Variants in AUTS2 observed in about 807,000 individuals in gnomAD.
The protein encoded by AUTS2 is autism susceptibility gene 2 protein.
In AUTS2, 17 loss-of-function variants were observed where a neutral mutation model predicts 112.4. The observed-to-expected ratio is 0.15, with a 90% CI of 0.10 to 0.23. The LOEUF is 0.23. Among genes scored for constraint, AUTS2 ranks in the 10% least tolerant of loss-of-function variants. The probability of loss-of-function intolerance (pLI) is 1.00; values close to 1 mark genes in which losing one functional copy is unlikely to be tolerated. For synonymous variants in AUTS2, 751 were observed against 702.7 expected (o/e 1.07, Z -1.09); for missense variants, 1,510 against 1,701.6 (o/e 0.89, Z 1.98).
intron 2 of AUTS2, among the ~76,000 whole-genome samples, chr7:69,963,586 G>A (rs1797518110): frequency 6.6e-6 from 1 of 152,160 alleles, no homozygotes; most frequent in South Asian, 2.1e-4. Flanking sequence ...AGGTTGTGAT[G>A]TAATTTAAAG....
chr7:69,661,306 A>G (rs1338685277), intron 1 of AUTS2, among the ~76,000 whole-genome samples: 3 of 152,246 alleles, frequency 2.0e-5, no homozygotes, highest in African/African-American at 7.2e-5. Flanking sequence ...CAAGTTGACA[A>G]TAAATGTTAG....
intron 1 of AUTS2, among the ~76,000 whole-genome samples, chr7:69,804,666 T>C (rs1450109469): frequency 6.6e-6 from 1 of 152,220 alleles, no homozygotes; most frequent in Non-Finnish European, 1.5e-5. Flanking sequence ...ACCCCACAGT[T>C]ACATGGATGG....
intron 4 of AUTS2, among the ~76,000 whole-genome samples, chr7:70,175,531 A>G (rs1321005008): frequency 1.3e-5 from 2 of 152,224 alleles, no homozygotes; most frequent in African/African-American, 4.8e-5. Context: ...GAAATCTTTC[A>G]TGAAAGGAAG....
intron 2 of AUTS2, among the ~76,000 whole-genome samples, chr7:69,939,617 T>C (rs1223119761): frequency 6.6e-6 from 1 of 152,206 alleles, no homozygotes; most frequent in African/African-American, 2.4e-5. Context: ...TTGATGAATA[T>C]TTGATGAGGT....
intron 4 of AUTS2, among the ~76,000 whole-genome samples, chr7:70,362,211 A>G (rs1360973232): frequency 2.6e-5 from 4 of 152,216 alleles, no homozygotes; most frequent in African/African-American, 7.2e-5. Context: ...AGGGCTGGTG[A>G]AATAGTTCAA....
intron 2 of AUTS2, among the ~76,000 whole-genome samples, chr7:70,084,870 T>A (rs1405680044): frequency 6.6e-6 from 1 of 152,140 alleles, no homozygotes; most frequent in African/African-American, 2.4e-5. Context: ...AGGTTGTTTT[T>A]TAATTTTTAT....
intron 1 of AUTS2, among the ~76,000 whole-genome samples, chr7:69,730,394 C>T (rs181693587): frequency 6.0e-4 from 91 of 152,184 alleles, no homozygotes; most frequent in African/African-American, 2.0e-3. Flanking sequence ...TCCCCACCTG[C>T]CCCCCAATAT....
chr7:70,641,711 A>G (rs1210252086), intron 5 of AUTS2, among the ~76,000 whole-genome samples: 4 of 152,142 alleles, frequency 2.6e-5, no homozygotes, highest in Admixed American at 1.3e-4. Context: ...CTGCTCCCCA[A>G]TTCTCAGACA....
intron 1 of AUTS2, among the ~76,000 whole-genome samples, chr7:69,614,543 G>A (rs543258969): frequency 3.8e-4 from 57 of 151,816 alleles, no homozygotes; most frequent in Middle Eastern, 6.8e-3. Context: ...TAGAGACAGG[G>A]TCTTGCTGTG....
intron 4 of AUTS2, among the ~76,000 whole-genome samples, chr7:70,154,465 C>T (rs1009243845): frequency 7.2e-5 from 11 of 151,998 alleles, no homozygotes; most frequent in African/African-American, 2.7e-4. Flanking sequence ...AAGATGGTAA[C>T]AATTGAAACT....
At chr7:70,667,032 C>T (rs1027271505) in intron 5 of AUTS2, among the ~76,000 whole-genome samples, 12 of 151,662 alleles carry the variant, frequency 7.9e-5, no homozygotes, top group Admixed American at 2.6e-4. Flanking sequence ...CCACAACACA[C>T]CTTGTACTAA....
intron 6 of AUTS2, among the ~76,000 whole-genome samples, chr7:70,720,043 G>A (rs975620794): frequency 2.0e-5 from 3 of 152,096 alleles, no homozygotes; most frequent in South Asian, 2.1e-4. Flanking sequence ...CTAGCCTGAC[G>A]TCTCATTCGT....
intron 2 of AUTS2, among the ~76,000 whole-genome samples, chr7:69,911,418 G>T (rs959610534): frequency 6.6e-6 from 1 of 152,218 alleles, no homozygotes; most frequent in African/African-American, 2.4e-5. Flanking sequence ...CTGCAACGTG[G>T]CGAGCAGGGG....
At chr7:69,906,702 C>A (rs1326669812) in intron 2 of AUTS2, among the ~76,000 whole-genome samples, 1 of 152,150 alleles carries the variant, frequency 6.6e-6, no homozygotes, top group Non-Finnish European at 1.5e-5. Flanking sequence ...TCTTCATGCC[C>A]AATTTGTAAT....
At chr7:70,512,133 G>A (rs935420325) in intron 5 of AUTS2, among the ~76,000 whole-genome samples, 2 of 152,142 alleles carry the variant, frequency 1.3e-5, no homozygotes, top group South Asian at 2.1e-4. Flanking sequence ...GGGTCCCCAC[G>A]TTGATCTCAG....
chr7:70,780,008 C>T (rs1347393581), intron 14 of AUTS2, among the ~76,000 whole-genome samples: 1 of 151,132 alleles, frequency 6.6e-6, no homozygotes, highest in Non-Finnish European at 1.5e-5. Context: ...GAGCGAGACC[C>T]TATCTATCTC....
intron 1 of AUTS2, among the ~76,000 whole-genome samples, chr7:69,856,088 T>A (rs1192082493): frequency 1.3e-5 from 2 of 152,236 alleles, no homozygotes; most frequent in Non-Finnish European, 2.9e-5. Flanking sequence ...TTTGTGCCAT[T>A]CCTCACTTTT....
intron 1 of AUTS2, among the ~76,000 whole-genome samples, chr7:69,665,263 G>A (rs985322084): frequency 3.9e-5 from 6 of 152,112 alleles, no homozygotes; most frequent in African/African-American, 1.2e-4. Flanking sequence ...TCATGGTGCT[G>A]TATAAATTCA....
At chr7:70,250,357 C>G (rs996019463) in intron 4 of AUTS2, among the ~76,000 whole-genome samples, 1 of 152,156 alleles carries the variant, frequency 6.6e-6, no homozygotes, top group African/African-American at 2.4e-5. Context: ...ATAGACAGAC[C>G]TGCACATTTG....
Sources: allele counts gnomAD v4.1 joint callset (sites outside exome capture counted in the v4.1 genomes callset), GRCh38; gene constraint gnomAD v4.1.1; transcripts MANE v1.5; gene names NCBI Gene and HGNC (gene_info 2026-07-23, HGNC 2026-07-21).